The following FLNA variants were observed in gnomAD, a reference collection of about 807,000 sequenced individuals.
FLNA encodes filamin A.
A neutral mutation model predicts 157.6 loss-of-function variants in FLNA; 7 were observed. The observed-to-expected ratio is 0.04, with a 90% CI of 0.03 to 0.08. FLNA has a LOEUF of 0.08. FLNA is among the 10% of genes least tolerant of loss of function. The pLI is 1.00. For missense variants in FLNA, 1,750 were observed against 2,398.4 expected, an observed-to-expected ratio of 0.73 and a Z score of 5.65; for synonymous variants, 1,103 against 1,060.8, an observed-to-expected ratio of 1.04 and a Z score of -0.77.
At chrX:154,352,052 G>C in intron 41 of FLNA, 31 bp from the exon 42 acceptor site, 2 of 1,211,155 alleles carry the variant, frequency 1.7e-6, no homozygotes, top group South Asian at 1.8e-5. Flanking sequence ...CTCACTGAAG[G>C]CTGCTTCACC....
chrX:154,361,420 C>T lies in FLNA; in HGVS notation c.3095G>A (p.Arg1032His), dbSNP rs781782783. Residue 1032 changes from arginine (R) to histidine (H), a missense_variant, in exon 21 of 48, where the codon CGC becomes CAC. Arg to His is a conservative substitution (Grantham distance 29). Coordinates refer to ENST00000369850, the MANE Select transcript of FLNA (RefSeq NM_001110556.2). ...PGLGADNSVV[R>H]FLPREEGPYE... The stretch of plus-strand genomic sequence containing the variant: ...GGGCCCTTCCTCACGGGGCAGGAAG[C>T]GCACCACACTGTTGTCAGCCCCCAG... 5.0e-6 allele frequency: 6 copies of T among 1,210,828 alleles called. No individual in the cohort carries two copies. Among genetic ancestry groups the T allele is most frequent in the East Asian group, 3.0e-5 (1 of 33,846 alleles).
Position 154,371,283 on chromosome X carries a change from C to T in FLNA, c.-38G>A. ...GAAGCCGGGGGGGCGGTGCTGCAGC[C>T]TCGGCGAGGGGACGGCCCTTTAATT... On this transcript the variant is annotated 5_prime_UTR_variant, in exon 2 of 48. Coordinates refer to ENST00000369850, the MANE Select transcript of FLNA (RefSeq NM_001110556.2). 1 of 1,190,558 alleles carries T rather than the reference C, an allele frequency of 8.4e-7. No individual in the cohort carries two copies. Among genetic ancestry groups the T allele is most frequent in the South Asian group, 1.8e-5 (1 of 54,816 alleles).
At chrX:154,365,575 G>A (rs891662444) in intron 9 of FLNA, 89 bp from the exon 10 acceptor site, 1 of 1,061,236 alleles carries the variant, frequency 9.4e-7, no homozygotes, top group African/African-American at 1.8e-5. Flanking sequence ...CAGGATTGGT[G>A]GGTCCCTCAG....
At position 154,358,548 on chromosome X, in the gene FLNA, C is replaced by G; in HGVS notation, c.4495G>C (p.Val1499Leu). 3 of 1,210,250 alleles carry G rather than the reference C, an allele frequency of 2.5e-6. No homozygotes were observed. Among genetic ancestry groups the G allele is most frequent in the Non-Finnish European group, 3.4e-6 (3 of 894,948 alleles). The change falls in exon 27 of 48, where the codon GTG becomes CTG. Residue 1499 changes from valine to leucine, a missense_variant. Physicochemically the swap from Val to Leu is conservative, Grantham distance 32 (BLOSUM62 1). Coordinates refer to ENST00000369850, the MANE Select transcript of FLNA (RefSeq NM_001110556.2). ...TGGGTGCCATCAGCGTTGTCTACCA[C>G]GTCCACTGGCTCCACCAGGCCTGGC... ...GPKGLVEPVD[V>L]VDNADGTQTV...
intron 15 of FLNA, among the ~76,000 whole-genome samples, chrX:154,363,811 G>C (rs1163578923): frequency 8.9e-6 from 1 of 112,398 alleles, no homozygotes; most frequent in Non-Finnish European, 1.9e-5. Flanking sequence ...GTGAGCGAAA[G>C]AAGCCAGACA....
rs1190611395 is a variant in FLNA at position 154,365,223 on chromosome X, T to TCCC, written c.1601_1603dup (p.Gly534dup). 1 of 1,209,897 alleles carries TCCC rather than the reference T, an allele frequency of 8.3e-7. No individual in the cohort carries two copies. Among genetic ancestry groups the TCCC allele is most frequent in the Admixed American group, 2.2e-5 (1 of 45,940 alleles). The stretch of plus-strand genomic sequence containing the variant: ...GTAATACTCGAAGCCATACACGCCA[T>TCCC]CCCCCAGGTCCTTCTGCTTCACGCG... On this transcript the variant is annotated inframe_insertion, in exon 11 of 48. Coordinates refer to ENST00000369850, the MANE Select transcript of FLNA (RefSeq NM_001110556.2).
In FLNA at chrX:154,371,031, C is replaced by T. The variant is rs1557180195; in HGVS notation, c.215G>A (p.Ser72Asn). Residue 72 changes from serine to asparagine, a missense_variant, in exon 2 of 48, where the codon AGC (serine) becomes AAC (asparagine). By Grantham distance (46) the Ser-to-Asn change is conservative. Coordinates refer to ENST00000369850, the MANE Select transcript of FLNA (RefSeq NM_001110556.2). Reference protein sequence around the residue: ...KRIANLQTDLSDGLRLIALLE... With the variant: ...KRIANLQTDLNDGLRLIALLE... ...CAGCGCGATAAGCCGCAGCCCGTCG[C>T]TCAGGTCCGTCTGCAGGTTGGCGAT... 3.3e-6 allele frequency: 4 copies of T among 1,207,138 alleles called. No homozygotes were observed. The highest frequency in any genetic ancestry group is 1.8e-5 in the South Asian group (1 of 56,290).
At position 154,366,655 on chromosome X, in the gene FLNA, G is replaced by A; in HGVS notation, c.988-16C>T. On this transcript the variant is annotated splice_polypyrimidine_tract_variant and intron_variant, in intron 6 of 47. Coordinates refer to ENST00000369850, the MANE Select transcript of FLNA (RefSeq NM_001110556.2). ...TCACTTTTGCCTGCAGTGGGAAGGAGCCTGTGAGCCTTTGCTAAGAGCAGC... is the reference window on the plus strand; with the variant it reads ...TCACTTTTGCCTGCAGTGGGAAGGAACCTGTGAGCCTTTGCTAAGAGCAGC... The A allele has an allele frequency of 8.3e-7, 1 of 1,208,351 alleles. No homozygotes were observed. Among genetic ancestry groups the A allele is most frequent in the Non-Finnish European group, 1.1e-6 (1 of 892,036 alleles).
chrX:154,360,671 T>C (rs1263242318), intron 21 of FLNA, 84 bp from the exon 22 acceptor site: 1 of 901,889 alleles, frequency 1.1e-6, no homozygotes, highest in African/African-American at 2.0e-5. Flanking sequence ...TGCCTCCCCT[T>C]GCCCTGGCTT....
intron 30 of FLNA, among the ~76,000 whole-genome samples, chrX:154,355,959 C>T (rs1265334749): frequency 8.9e-6 from 1 of 112,788 alleles, no homozygotes; most frequent in African/African-American, 3.2e-5. Flanking sequence ...GAAGGCCAAG[C>T]TCGAGGGGCC....
chrX:154,349,899 C>T, intron 45 of FLNA, 32 bp from the exon 46 acceptor site: 2 of 1,191,706 alleles, frequency 1.7e-6, no homozygotes, highest in South Asian at 3.5e-5. Context: ...CAGAGCCAGA[C>T]TGGCCTGCCT....
chrX:154,370,647 CCGGGGCGCAGCGGG>C (rs1332823416), intron 2 of FLNA, among the ~76,000 whole-genome samples: 31 of 113,010 alleles, frequency 2.7e-4, no homozygotes, highest in Non-Finnish European at 3.4e-4. Context: ...CGCCGGCCAG[CCGGGGCGCAGCGGG>C]CGGGGGCGCG....
In FLNA at chrX:154,364,251, T is replaced by A. The variant is rs201102173; in HGVS notation, c.2136+8A>T. 8.3e-7 allele frequency: 1 copy of A among 1,206,960 alleles called. No individual in the cohort carries two copies. Among genetic ancestry groups the A allele is most frequent in the African/African-American group, 1.7e-5 (1 of 57,203 alleles). On this transcript the variant is annotated splice_region_variant and intron_variant, in intron 14 of 47. Transcript: ENST00000369850. Reference sequence around the variant, plus strand: ...CTGCCCTGCCCCCAACACCCGTGGGTGCTCTACCTGGACTTGGACCCGAAG... The same window carrying A: ...CTGCCCTGCCCCCAACACCCGTGGGAGCTCTACCTGGACTTGGACCCGAAG...
chrX:154,358,398 C>G (rs373873064), intron 27 of FLNA, 43 bp from the exon 28 acceptor site: 9 of 1,211,453 alleles, frequency 7.4e-6, no homozygotes, highest in Non-Finnish European at 1.0e-5. Flanking sequence ...AGGTTCTCAG[C>G]ATCCAGCCTG....
chrX:154,361,708 A>G lies in FLNA; in HGVS notation c.2906T>C (p.Leu969Pro), dbSNP rs782136339. Residue 969 changes from leucine (L) to proline (P), a missense_variant, in exon 20 of 48, where the codon CTG becomes CCG. By Grantham distance (98) the Leu-to-Pro change is moderately conservative. Coordinates refer to ENST00000369850, the MANE Select transcript of FLNA (RefSeq NM_001110556.2). ...SPFSVAVSPS[L>P]DLSKIKVSGL... is the part of the protein sequence containing the mutation. ...AGACACCTTGATCTTGCTGAGGTCCAGGCTTGGAGATACTGCCACTGAGAA... is the reference window on the plus strand; with the variant it reads ...AGACACCTTGATCTTGCTGAGGTCCGGGCTTGGAGATACTGCCACTGAGAA... The G allele has an allele frequency of 4.1e-6, 5 of 1,210,855 alleles. No homozygotes were observed. The highest frequency in any genetic ancestry group is 3.0e-5 in the East Asian group (1 of 33,849).
chrX:154,359,891 C>G lies in FLNA; in HGVS notation c.3820G>C (p.Ala1274Pro). 8.3e-7 allele frequency: 1 copy of G among 1,210,885 alleles called. No individual in the cohort carries two copies. Among genetic ancestry groups the G allele is most frequent in the Non-Finnish European group, 1.1e-6 (1 of 895,376 alleles). ...GIEGQGVFREATTEFSVDARA... is the reference protein window; with the variant it reads ...GIEGQGVFREPTTEFSVDARA... ...GCGTCCACACTGAACTCAGTGGTGG[C>G]CTCACGGAAGACACCTGCAAAGGCA... Residue 1274 changes from alanine (A) to proline (P), a missense_variant, in exon 23 of 48, where the codon GCC (alanine) becomes CCC (proline). Physicochemically the swap from Ala to Pro is conservative, Grantham distance 27. Around this residue, in one of 5 missense-constraint regions of FLNA, gnomAD observed 970 missense variants for 1,302.6 expected, o/e 0.74. Coordinates refer to ENST00000369850, the MANE Select transcript of FLNA (RefSeq NM_001110556.2).
chrX:154,373,348 A>G (rs1337760056), intron 1 of FLNA, among the ~76,000 whole-genome samples: 3 of 112,171 alleles, frequency 2.7e-5, no homozygotes, highest in African/African-American at 9.7e-5. Context: ...TCCAGCAGAA[A>G]GAGTGTCAGG....
At position 154,366,545 on chromosome X, in the gene FLNA, C is replaced by T. The variant is rs782752794; in HGVS notation, c.1065+17G>A. 3.3e-6 allele frequency: 4 copies of T among 1,210,392 alleles called. No homozygotes were observed. Among genetic ancestry groups the T allele is most frequent in the East Asian group, 5.9e-5 (2 of 33,855 alleles). On this transcript the variant is annotated intron_variant, in intron 7 of 47. Coordinates refer to ENST00000369850, the MANE Select transcript of FLNA (RefSeq NM_001110556.2). ...ACTGCCTGAGGTCACAAGCCTCCCC[C>T]CTGGCCAAGGGCTCACCTTATGAGT...
intron 45 of FLNA, 31 bp downstream of exon 45, chrX:154,350,000 T>C: frequency 8.3e-7 from 1 of 1,205,637 alleles, no homozygotes; most frequent in Non-Finnish European, 1.1e-6. Context: ...AGCAGCTGTG[T>C]GCACACGTGC....
Sources: allele counts gnomAD v4.1 joint callset (sites outside exome capture counted in the v4.1 genomes callset), GRCh38; gene constraint gnomAD v4.1.1; regional missense constraint gnomAD v4.1.1; transcripts MANE v1.5; gene names NCBI Gene and HGNC (gene_info 2026-07-23, HGNC 2026-07-21).